The following FBN2 variants were observed in gnomAD, a reference collection of about 807,000 sequenced individuals.
FBN2 encodes fibrillin-2.
FBN2 carries 105 observed loss-of-function variants against 355.6 expected under a neutral mutation model. The ratio of observed to expected loss-of-function variants is 0.30; its 90% CI spans 0.25 to 0.35. The LOEUF (loss-of-function observed/expected upper bound fraction) is 0.35. Ranked by LOEUF, FBN2 falls within the 10% of genes least tolerant of loss-of-function variation. FBN2 has a pLI of 1.00. For missense variants in FBN2, 3,280 were observed against 3,758.7 expected (o/e 0.87, Z 3.33); for synonymous variants, 1,350 against 1,301.2 (o/e 1.04, Z -0.81).
chr5:128,277,755 AC>A, intron 58 of FBN2, 124 bp downstream of exon 58: 1 of 1,133,266 alleles, frequency 8.8e-7, no homozygotes, highest in Non-Finnish European at 1.3e-6. Flanking sequence ...GAGGATGGCA[AC>A]ATTTTAATAA....
At chr5:128,491,385 A>G (rs1363651131) in intron 5 of FBN2, among the ~76,000 whole-genome samples, 1 of 152,192 alleles carries the variant, frequency 6.6e-6, no homozygotes, top group Non-Finnish European at 1.5e-5. Context: ...GTGATTCTGT[A>G]ACTGATGGAG....
intron 5 of FBN2, among the ~76,000 whole-genome samples, chr5:128,510,187 G>A (rs1756076216): frequency 1.3e-5 from 2 of 152,032 alleles, no homozygotes; most frequent in African/African-American, 4.8e-5. Flanking sequence ...ATTTCCCTGG[G>A]CCACACTGGA....
At chr5:128,285,243 AT>A (rs35363766) in intron 55 of FBN2, among the ~76,000 whole-genome samples, 3 of 151,642 alleles carry the variant, frequency 2.0e-5, no homozygotes, top group Admixed American at 1.3e-4. Context: ...ATTTTTATTG[AT>A]TTTTTTTGTG....
chr5:128,338,846 AG>A, intron 26 of FBN2, 86 bp downstream of exon 26: 2 of 1,430,976 alleles, frequency 1.4e-6, no homozygotes, highest in Non-Finnish European at 2.0e-6. Context: ...TGCCGTTCAC[AG>A]CCCAGAGATA....
chr5:128,529,481 G>A (rs1202623060), intron 3 of FBN2, among the ~76,000 whole-genome samples: 3 of 152,288 alleles, frequency 2.0e-5, no homozygotes, highest in African/African-American at 7.2e-5. Context: ...GGTTAGAAAA[G>A]TTCCTGATGA....
chr5:128,507,165 T>A (rs551372731), intron 5 of FBN2, among the ~76,000 whole-genome samples: 5 of 152,226 alleles, frequency 3.3e-5, no homozygotes, highest in Non-Finnish European at 5.9e-5. Flanking sequence ...CTTTCTTAAA[T>A]GTTTGGTAGA....
intron 48 of FBN2, among the ~76,000 whole-genome samples, chr5:128,296,321 G>A (rs1340353933): frequency 2.0e-5 from 3 of 151,982 alleles, no homozygotes; most frequent in Non-Finnish European, 1.5e-5. Context: ...GTCTCTGCCC[G>A]GCTTTGGTAT....
chr5:128,490,138 C>G (rs1490330008), intron 5 of FBN2, among the ~76,000 whole-genome samples: 1 of 152,184 alleles, frequency 6.6e-6, no homozygotes, highest in Non-Finnish European at 1.5e-5. Flanking sequence ...CATTATACAA[C>G]AAGCATGTAT....
chr5:128,477,786 T>G (rs1037414983), intron 5 of FBN2, among the ~76,000 whole-genome samples: 4 of 152,198 alleles, frequency 2.6e-5, no homozygotes, highest in Admixed American at 6.5e-5. Flanking sequence ...CATCTCTCAG[T>G]GGCACTGATC....
chr5:128,443,570 C>A (rs558353591), intron 7 of FBN2, among the ~76,000 whole-genome samples: 2 of 152,094 alleles, frequency 1.3e-5, no homozygotes, highest in South Asian at 4.1e-4. Context: ...TAATGTTTAA[C>A]GATTAATAAG....
intron 5 of FBN2, among the ~76,000 whole-genome samples, chr5:128,488,177 A>G (rs1332681110): frequency 1.3e-5 from 2 of 149,392 alleles, no homozygotes; most frequent in African/African-American, 5.1e-5. Context: ...TTCACGCTTC[A>G]ATGAACCCAG....
At chr5:128,393,703 T>TA (rs1366908548) in intron 9 of FBN2, among the ~76,000 whole-genome samples, 9 of 152,384 alleles carry the variant, frequency 5.9e-5, no homozygotes, top group African/African-American at 1.9e-4. Context: ...AGATAAAAGT[T>TA]AAAGCTTTAT....
intron 23 of FBN2, among the ~76,000 whole-genome samples, chr5:128,347,328 G>A (rs1172795290): frequency 1.3e-5 from 2 of 152,096 alleles, no homozygotes; most frequent in East Asian, 3.8e-4. Context: ...TGTTTATATC[G>A]GCAATTAAAA....
intron 61 of FBN2, among the ~76,000 whole-genome samples, chr5:128,273,385 A>G (rs548711942): frequency 2.0e-5 from 3 of 152,354 alleles, no homozygotes; most frequent in Non-Finnish European, 4.4e-5. Context: ...TTGACTCGTA[A>G]AAAACAGAAA....
intron 5 of FBN2, among the ~76,000 whole-genome samples, chr5:128,512,615 G>A (rs558014848): frequency 1.1e-4 from 16 of 151,400 alleles, no homozygotes; most frequent in African/African-American, 3.6e-4. Flanking sequence ...CACAGGCCAC[G>A]GCACTTCATT....
chr5:128,445,416 G>A (rs1412113615), intron 7 of FBN2, among the ~76,000 whole-genome samples: 1 of 152,020 alleles, frequency 6.6e-6, no homozygotes, highest in East Asian at 1.9e-4. Flanking sequence ...TTGAAACAAT[G>A]GCATATGTAC....
chr5:128,287,443 A>G lies in FBN2; in HGVS notation c.6758-13T>C, dbSNP rs1165912383. 6.2e-7 allele frequency: 1 copy of G among 1,613,396 alleles called. No individual in the cohort carries two copies. Among genetic ancestry groups the G allele is most frequent in the Non-Finnish European group, 8.5e-7 (1 of 1,179,588 alleles). ...CATTCGTTGATATCTGACCAAAGGA[A>G]TGGACAGGAATGTGCTCAGCCTAGA... On this transcript the variant is annotated splice_polypyrimidine_tract_variant and intron_variant, in intron 53 of 64. Transcript: ENST00000262464.
At chr5:128,515,416 A>G (rs1756255373) in intron 5 of FBN2, among the ~76,000 whole-genome samples, 1 of 152,150 alleles carries the variant, frequency 6.6e-6, no homozygotes, top group Admixed American at 6.5e-5. Flanking sequence ...TCCTGGTTGG[A>G]CAGCAGCAGA....
chr5:128,427,150 G>A (rs1339572973), intron 7 of FBN2, among the ~76,000 whole-genome samples: 1 of 152,060 alleles, frequency 6.6e-6, no homozygotes, highest in African/African-American at 2.4e-5. Flanking sequence ...AGATGGAGGT[G>A]GGATCCCTCG....
Sources: allele counts gnomAD v4.1 joint callset (sites outside exome capture counted in the v4.1 genomes callset), GRCh38; gene constraint gnomAD v4.1.1; transcripts MANE v1.5; gene names NCBI Gene and HGNC (gene_info 2026-07-23, HGNC 2026-07-21).